JADE3: variants seen among roughly 807,000 people sequenced by gnomAD.
The protein encoded by JADE3 is jade family PHD finger 3.
A neutral mutation model predicts 50.1 loss-of-function variants in JADE3; 2 were observed. That is an observed-to-expected ratio of 0.04 (90% CI 0.02 to 0.13). JADE3 has a LOEUF of 0.13. Among genes scored for constraint, JADE3 ranks in the 10% least tolerant of loss-of-function variants. JADE3 has a pLI of 1.00. For missense variants in JADE3, 475 were observed against 634.4 expected (o/e 0.75, Z 2.70); for synonymous variants, 218 against 232.9 (o/e 0.94, Z 0.58).
intron 4 of JADE3, among the ~76,000 whole-genome samples, chrX:47,017,224 A>G (rs1231553004): frequency 9.0e-6 from 1 of 111,577 alleles, no homozygotes; most frequent in Non-Finnish European, 1.9e-5. Context: ...TTACAGAGCC[A>G]TCTTGCACTG....
At chrX:46,964,530 C>G (rs782039087) in intron 1 of JADE3, among the ~76,000 whole-genome samples, 1 of 111,822 alleles carries the variant, frequency 8.9e-6, no homozygotes, top group Non-Finnish European at 1.9e-5. Flanking sequence ...GAAGACGTCT[C>G]CAGATGATCC....
intron 1 of JADE3, among the ~76,000 whole-genome samples, chrX:46,951,747 C>G (rs1398195837): frequency 9.1e-6 from 1 of 109,440 alleles, no homozygotes; most frequent in African/African-American, 3.3e-5. Flanking sequence ...GCCAGTTTAT[C>G]TGTCTTCAGG....
At chrX:46,925,854 CT>C (rs200782882) in intron 1 of JADE3, among the ~76,000 whole-genome samples, 14 of 98,737 alleles carry the variant, frequency 1.4e-4, no homozygotes, top group East Asian at 1.0e-3. Context: ...GACCTATTGA[CT>C]TTTTTTTTTC....
chrX:46,938,875 C>T (rs1307406318), intron 1 of JADE3, among the ~76,000 whole-genome samples: 5 of 112,327 alleles, frequency 4.5e-5, no homozygotes, highest in Non-Finnish European at 7.5e-5. Flanking sequence ...TTGCCCAGGC[C>T]GGTGTGCAGT....
At chrX:47,041,087 G>C (rs1929244929) in intron 8 of JADE3, among the ~76,000 whole-genome samples, 1 of 111,243 alleles carries the variant, frequency 9.0e-6, no homozygotes, top group Admixed American at 9.6e-5. Context: ...TTGCCTGTGT[G>C]TTTATCTAAG....
At chrX:47,042,844 A>T (rs782561814) in intron 8 of JADE3, among the ~76,000 whole-genome samples, 4 of 111,486 alleles carry the variant, frequency 3.6e-5, no homozygotes, top group Admixed American at 9.5e-5. Flanking sequence ...AGCCCTTGGG[A>T]TGTGAACGAA....
intron 1 of JADE3, among the ~76,000 whole-genome samples, chrX:46,959,408 CAT>C (rs1927207593): frequency 8.9e-6 from 1 of 112,033 alleles, no homozygotes; most frequent in Non-Finnish European, 1.9e-5. Flanking sequence ...ATTCTTCATT[CAT>C]ATGTTTGATG....
At chrX:46,960,239 C>CAA (rs34554287) in intron 1 of JADE3, among the ~76,000 whole-genome samples, 125 of 98,047 alleles carry the variant, frequency 1.3e-3, no homozygotes, top group Admixed American at 1.6e-3. Flanking sequence ...ATCTGTGCAA[C>CAA]AAAAAAAAAA....
chrX:46,916,721 C>T (rs1053540445), intron 1 of JADE3, among the ~76,000 whole-genome samples: 8 of 111,865 alleles, frequency 7.2e-5, no homozygotes, highest in Non-Finnish European at 1.5e-4. Context: ...GTATTAAATA[C>T]CTTCTGTTTG....
intron 1 of JADE3, among the ~76,000 whole-genome samples, chrX:46,925,024 G>A (rs1035773317): frequency 1.8e-5 from 2 of 111,831 alleles, no homozygotes; most frequent in African/African-American, 6.5e-5. Flanking sequence ...ATAACCAAGG[G>A]GTCCCCAAGG....
rs377517043 is a variant in JADE3 at position 46,960,860 on chromosome X, T to G, written c.-11-24024T>G. Among the ~76,000 whole-genome samples, 681 of 110,901 alleles carry G rather than the reference T, an allele frequency of 6.1e-3. 5 individuals are homozygous for G. Among genetic ancestry groups the G allele is most frequent in the South Asian group, 0.026 (66 of 2,584 alleles). On this transcript the variant is annotated intron_variant, in intron 1 of 10. Coordinates refer to ENST00000614628, the MANE Select transcript of JADE3 (RefSeq NM_014735.5). ...AGAGTGAGCCTGGTAAGGAACCAGG[T>G]CAGAGAGAGAGGTTCTCTGATGGTG...
intron 1 of JADE3, among the ~76,000 whole-genome samples, chrX:46,923,393 C>CTCTTTTTTTTTTTTTTTTTTTTTTTTTT (rs1556338199): frequency 8.7e-5 from 1 of 11,525 alleles, no homozygotes; most frequent in East Asian, 3.6e-3. Flanking sequence ...CTCTCTCTCT[C>CTCTTTTTTTTTTTTTTTTTTTTTTTTTT]TTTTTTTTTT....
At chrX:46,987,994 T>C (rs2147132413) in intron 3 of JADE3, among the ~76,000 whole-genome samples, 1 of 112,671 alleles carries the variant, frequency 8.9e-6, no homozygotes, top group African/African-American at 3.2e-5. Context: ...ATTTCATCTC[T>C]CTGAGATAAT....
intron 1 of JADE3, among the ~76,000 whole-genome samples, chrX:46,979,994 C>T (rs1486451422): frequency 9.4e-6 from 1 of 106,444 alleles, no homozygotes; most frequent in African/African-American, 3.5e-5. Context: ...ATTCTCATGC[C>T]TCAGCCTCCC....
chrX:46,957,034 A>G (rs1441799546), intron 1 of JADE3, among the ~76,000 whole-genome samples: 1 of 110,621 alleles, frequency 9.0e-6, no homozygotes, highest in Admixed American at 9.7e-5. Context: ...CATGTTGCCA[A>G]GGCTGATCTC....
chrX:47,011,374 A>G (rs1928561239), intron 4 of JADE3, among the ~76,000 whole-genome samples: 1 of 112,464 alleles, frequency 8.9e-6, no homozygotes, highest in African/African-American at 3.2e-5. Flanking sequence ...ACATTTTGTT[A>G]ATCCTTTCAG....
intron 1 of JADE3, among the ~76,000 whole-genome samples, chrX:46,918,671 C>T (rs1488844454): frequency 8.9e-6 from 1 of 111,757 alleles, no homozygotes; most frequent in Non-Finnish European, 1.9e-5. Context: ...CTTACTCACA[C>T]ATCTGGTGGT....
chrX:47,048,916 A>G (rs1951464485), intron 8 of JADE3, among the ~76,000 whole-genome samples: 1 of 112,208 alleles, frequency 8.9e-6, no homozygotes, highest in Non-Finnish European at 1.9e-5. Context: ...TAAAGTGTTT[A>G]AAGACACATG....
At chrX:46,994,177 G>A (rs1274722366) in intron 3 of JADE3, among the ~76,000 whole-genome samples, 1 of 112,317 alleles carries the variant, frequency 8.9e-6, no homozygotes, top group Non-Finnish European at 1.9e-5. Flanking sequence ...GTTAATGAGA[G>A]CAATAAAAGC....
Sources: gnomAD v4.1 joint callset for allele counts (sites outside exome capture counted in the v4.1 genomes callset) on GRCh38, gnomAD v4.1.1 for gene constraint, MANE v1.5 for transcripts, NCBI Gene and HGNC (gene_info 2026-07-23, HGNC 2026-07-21) for gene names.